Variants in CXorf66 observed in about 807,000 individuals in gnomAD.
The protein encoded by CXorf66 is chromosome X open reading frame 66.
In CXorf66, 6 loss-of-function variants were observed where a neutral mutation model predicts 5.0. The observed-to-expected ratio is 1.20, with a 90% confidence interval of 0.65 to 2.36. The LOEUF is 2.36. CXorf66 is among the 30% of genes most tolerant of loss of function. The probability of loss-of-function intolerance (pLI) is 0.00; values close to 1 mark genes in which losing one functional copy is unlikely to be tolerated. For missense variants in CXorf66, 270 were observed against 254.9 expected (o/e 1.06, Z -0.40); for synonymous variants, 98 against 102.8 (o/e 0.95, Z 0.28).
chrX:139,959,854 A>G (rs907552834), intron 1 of CXorf66, among the ~76,000 whole-genome samples: 4 of 111,956 alleles, frequency 3.6e-5, no homozygotes, highest in African/African-American at 6.5e-5. Flanking sequence ...AAGAAAAACT[A>G]AGAAACAGAA....
At chrX:139,964,849 G>A (rs1926653440) in intron 1 of CXorf66, among the ~76,000 whole-genome samples, 1 of 110,719 alleles carries the variant, frequency 9.0e-6, no homozygotes, top group South Asian at 3.9e-4. Context: ...ACTCATAAGT[G>A]GGAGTTGAAC....
chrX:139,956,135 C>T lies in CXorf66; in HGVS notation c.847G>A (p.Val283Ile). 2 of 1,211,635 alleles carry T rather than the reference C, an allele frequency of 1.7e-6. No homozygotes were observed. The highest frequency in any genetic ancestry group is 2.2e-6 in the Non-Finnish European group (2 of 895,492). The change falls in exon 3 of 3, where the codon GTC (valine) becomes ATC (isoleucine). Residue 283 changes from valine to isoleucine, a missense_variant. Coordinates refer to ENST00000370540, the MANE Select transcript of CXorf66 (RefSeq NM_001013403.3). ...TCCTTTGCCTCAGAAATATCATTGA[C>T]CAAAGGCCTATAAGTTTTGGCAACA... ...HLVAKTYRPL[V>I]NDISEAKEKN...
At chrX:139,959,261 G>A (rs2085584983) in intron 1 of CXorf66, among the ~76,000 whole-genome samples, 1 of 111,704 alleles carries the variant, frequency 9.0e-6, no homozygotes, top group Non-Finnish European at 1.9e-5. Flanking sequence ...TGAGGCTTCA[G>A]GAGGCACTTT....
At chrX:139,959,991 A>G (rs1432352026) in intron 1 of CXorf66, among the ~76,000 whole-genome samples, 2 of 111,728 alleles carry the variant, frequency 1.8e-5, no homozygotes, top group African/African-American at 6.5e-5. Context: ...AAATGCTGAA[A>G]ATTCCAAAAA....
chrX:139,959,462 G>C (rs1384344320), intron 1 of CXorf66, among the ~76,000 whole-genome samples: 1 of 112,382 alleles, frequency 8.9e-6, no homozygotes, highest in Non-Finnish European at 1.9e-5. Context: ...CAGAGCACCT[G>C]GGGGAACGGG....
At chrX:139,959,226 T>A (rs2085584814) in intron 1 of CXorf66, among the ~76,000 whole-genome samples, 1 of 110,839 alleles carries the variant, frequency 9.0e-6, no homozygotes, top group Non-Finnish European at 1.9e-5. Flanking sequence ...TGGAGCTTGG[T>A]GGGGGGAGGG....
chrX:139,961,639 C>T (rs979298717), intron 1 of CXorf66, among the ~76,000 whole-genome samples: 3 of 112,093 alleles, frequency 2.7e-5, no homozygotes, highest in Non-Finnish European at 3.8e-5. Flanking sequence ...CACCACATAG[C>T]ACTTATTCTA....
intron 2 of CXorf66, among the ~76,000 whole-genome samples, chrX:139,957,034 C>T (rs751665314): frequency 5.4e-5 from 6 of 110,589 alleles, no homozygotes; most frequent in Non-Finnish European, 7.6e-5. Context: ...GGTGTGGTGG[C>T]GCACACCTGT....
In CXorf66 at chrX:139,955,795, A is replaced by T; in HGVS notation, c.*101T>A. ...TCCAAGACAGATATGGGTGATCTTG[A>T]TAGTGATTTTTCCCTCTACTGGTTT... On this transcript the variant is annotated 3_prime_UTR_variant, in exon 3 of 3. Coordinates refer to ENST00000370540, the MANE Select transcript of CXorf66 (RefSeq NM_001013403.3). 8 of 754,162 alleles carry T rather than the reference A, an allele frequency of 1.1e-5. No individual in the cohort carries two copies. The South Asian group carries it at 2.7e-4, about 25-fold the overall frequency. The allele number at this position is 754,162 out of a possible 1,213,427, so 62.2% of individuals were successfully genotyped here. A position where few individuals can be genotyped will look rare whatever the true frequency, so the allele number is the denominator to read the frequency against.
At chrX:139,961,830 A>G (rs775804838) in intron 1 of CXorf66, among the ~76,000 whole-genome samples, 2 of 112,071 alleles carry the variant, frequency 1.8e-5, no homozygotes, top group Non-Finnish European at 3.8e-5. Flanking sequence ...CGCTGGGTAC[A>G]TAACAAAATT....
At chrX:139,963,182 T>C (rs1044608252) in intron 1 of CXorf66, among the ~76,000 whole-genome samples, 3 of 111,562 alleles carry the variant, frequency 2.7e-5, no homozygotes, top group African/African-American at 9.8e-5. Flanking sequence ...TAGCCCAAAA[T>C]CTCCTTAAGC....
chrX:139,965,292 G>A (rs1195598471), intron 1 of CXorf66, 117 bp downstream of exon 1: 1 of 521,945 alleles, frequency 1.9e-6, no homozygotes, highest in African/African-American at 2.3e-5. Flanking sequence ...ACCTACTAAT[G>A]TTAACACTGC....
At chrX:139,960,648 C>A (rs962955113) in intron 1 of CXorf66, among the ~76,000 whole-genome samples, 1 of 110,624 alleles carries the variant, frequency 9.0e-6, no homozygotes, top group African/African-American at 3.3e-5. Flanking sequence ...AAGGTTGAAA[C>A]GAAGGAAAAA....
At position 139,965,045 on chromosome X, in the gene CXorf66, C is replaced by T. The variant is rs752326034; in HGVS notation, c.88+364G>A. Among the ~76,000 whole-genome samples the T allele has an allele frequency of 7.2e-5, 8 of 111,076 alleles. No individual in the cohort carries two copies. The South Asian group carries it at 1.5e-3, about 21-fold the overall frequency. On this transcript the variant is annotated intron_variant, in intron 1 of 2. Coordinates refer to ENST00000370540, the MANE Select transcript of CXorf66 (RefSeq NM_001013403.3). ...TGTATACCTATGTAACAAACCTGCA[C>T]GTTCTGCACATGTATCCCAGAACTT...
chrX:139,963,731 C>T (rs1242026067), intron 1 of CXorf66, among the ~76,000 whole-genome samples: 2 of 85,964 alleles, frequency 2.3e-5, no homozygotes, highest in African/African-American at 1.0e-4. Flanking sequence ...ACCAAAGGAA[C>T]AAAACAGAGG....
In CXorf66 at chrX:139,963,834, C is replaced by T. The variant is rs746418689; in HGVS notation, c.88+1575G>A. Among the ~76,000 whole-genome samples, 8 of 111,630 alleles carry T rather than the reference C, an allele frequency of 7.2e-5. No individual in the cohort carries two copies. The South Asian group carries it at 1.9e-3, about 26-fold the overall frequency. On this transcript the variant is annotated intron_variant, in intron 1 of 2. Transcript: ENST00000370540. ...GGGAAAGGATTCCCTATTTAATAAA[C>T]GGTGCTGACAAAACTGGCTAGCCAT...
Position 139,956,011 on chromosome X carries a change from A to G in CXorf66, c.971T>C (p.Val324Ala). 8.3e-7 allele frequency: 1 copy of G among 1,211,132 alleles called. No individual in the cohort carries two copies. Among genetic ancestry groups the G allele is most frequent in the Non-Finnish European group, 1.1e-6 (1 of 894,925 alleles). Reference protein sequence around the residue: ...DSRNNAYGDHVNDSDTMKYYS... With the variant: ...DSRNNAYGDHANDSDTMKYYS... ...ATATTTCATCGTATCACTGTCATTCACATGATCACCGTATGCATTGTTCCT... is the reference window on the plus strand; with the variant it reads ...ATATTTCATCGTATCACTGTCATTCGCATGATCACCGTATGCATTGTTCCT... Residue 324 changes from valine (V) to alanine (A), a missense_variant, in exon 3 of 3, where the codon GTG becomes GCG. Physicochemically the swap from Val to Ala is moderately conservative, Grantham distance 64. Transcript: ENST00000370540.
At position 139,955,880 on chromosome X, in the gene CXorf66, T is replaced by C. The variant is rs768317765; in HGVS notation, c.*16A>G. ...AGTTTGCTCTTTCACACTTGGATTT[T>C]ATTTTTGTTGAGCTCCTAATCATTT... On this transcript the variant is annotated 3_prime_UTR_variant, in exon 3 of 3. Coordinates refer to ENST00000370540, the MANE Select transcript of CXorf66 (RefSeq NM_001013403.3). 13 of 1,159,591 alleles carry C rather than the reference T, an allele frequency of 1.1e-5. No homozygotes were observed. The African/African-American group carries it at 1.6e-4, about 15-fold the overall frequency.
chrX:139,957,241 CTT>C (rs1260690602), intron 2 of CXorf66, among the ~76,000 whole-genome samples: 7 of 111,490 alleles, frequency 6.3e-5, no homozygotes, highest in African/African-American at 2.3e-4. Context: ...AATATGGACT[CTT>C]GTTTAATGCT....
Sources: allele counts gnomAD v4.1 joint callset (sites outside exome capture counted in the v4.1 genomes callset), GRCh38; gene constraint gnomAD v4.1.1; transcripts MANE v1.5; gene names NCBI Gene and HGNC (gene_info 2026-07-23, HGNC 2026-07-21).